The following GALNTL6 variants were observed in gnomAD, a reference collection of about 807,000 sequenced individuals.
GALNTL6 encodes polypeptide N-acetylgalactosaminyltransferase like 6.
Under a neutral mutation model 73.7 loss-of-function variants are expected in GALNTL6, and 46 were observed. The ratio of observed to expected loss-of-function variants is 0.62; its 90% confidence interval spans 0.49 to 0.80. The LOEUF is 0.80. GALNTL6 is among the 30% of genes least tolerant of loss of function. GALNTL6 has a pLI of 0.00. For missense variants in GALNTL6, 604 were observed against 755.0 expected (o/e 0.80, Z 2.34); for synonymous variants, 259 against 263.7 (o/e 0.98, Z 0.17).
intron 2 of GALNTL6, among the ~76,000 whole-genome samples, chr4:171,878,689 A>T (rs1337281051): frequency 2.0e-5 from 3 of 152,134 alleles, no homozygotes; most frequent in Non-Finnish European, 4.4e-5. Flanking sequence ...TAAAGAAATG[A>T]TCGATGGTTC....
intron 2 of GALNTL6, among the ~76,000 whole-genome samples, chr4:171,977,052 A>G (rs1275339319): frequency 6.6e-6 from 1 of 152,202 alleles, no homozygotes; most frequent in Admixed American, 6.5e-5. Flanking sequence ...AGCCGGCTGC[A>G]TTTCCTTTTA....
intron 5 of GALNTL6, among the ~76,000 whole-genome samples, chr4:172,410,340 G>T (rs533631530): frequency 1.2e-4 from 18 of 151,878 alleles, no homozygotes; most frequent in Non-Finnish European, 2.1e-4. Context: ...CCAATCTCCA[G>T]AACTCTATTA....
At chr4:172,178,432 C>T (rs1199444158) in intron 2 of GALNTL6, among the ~76,000 whole-genome samples, 1 of 152,072 alleles carries the variant, frequency 6.6e-6, no homozygotes, top group Non-Finnish European at 1.5e-5. Context: ...CCCTCAACCC[C>T]CAACAGGCTG....
At chr4:172,693,460 C>A (rs1259110346) in intron 5 of GALNTL6, among the ~76,000 whole-genome samples, 1 of 152,206 alleles carries the variant, frequency 6.6e-6, no homozygotes. Context: ...TCTTAACTGG[C>A]TCTCTGACTC....
At chr4:172,213,326 A>G (rs1227149287) in intron 2 of GALNTL6, among the ~76,000 whole-genome samples, 1 of 152,194 alleles carries the variant, frequency 6.6e-6, no homozygotes, top group Non-Finnish European at 1.5e-5. Context: ...ACTGAATTGT[A>G]TGAAACTGCC....
intron 5 of GALNTL6, among the ~76,000 whole-genome samples, chr4:172,566,908 A>G (rs558096378): frequency 1.4e-4 from 21 of 152,274 alleles, no homozygotes; most frequent in South Asian, 4.1e-4. Context: ...TTCTTATTAA[A>G]TATCTACTTT....
intron 5 of GALNTL6, among the ~76,000 whole-genome samples, chr4:172,436,438 GAC>G (rs1247715500): frequency 2.6e-5 from 4 of 152,076 alleles, no homozygotes; most frequent in Admixed American, 2.0e-4. Context: ...CTCCCCAGGA[GAC>G]ACCTGGGGGA....
chr4:171,947,622 C>T (rs1245623695), intron 2 of GALNTL6, among the ~76,000 whole-genome samples: 18 of 152,164 alleles, frequency 1.2e-4, no homozygotes, highest in Non-Finnish European at 1.5e-5. Context: ...CCTAGTCCCT[C>T]AGTCCTGTCT....
chr4:172,698,818 C>A (rs945944847), intron 5 of GALNTL6, among the ~76,000 whole-genome samples: 19 of 152,124 alleles, frequency 1.2e-4, no homozygotes, highest in South Asian at 6.2e-4. Context: ...CTTCAAAATT[C>A]TTTTTCTAAT....
chr4:172,029,896 C>T (rs1414006078), intron 2 of GALNTL6, among the ~76,000 whole-genome samples: 1 of 151,946 alleles, frequency 6.6e-6, no homozygotes, highest in African/African-American at 2.4e-5. Context: ...GGTAACAGTG[C>T]AATAATGGTT....
intron 5 of GALNTL6, among the ~76,000 whole-genome samples, chr4:172,731,898 G>T (rs560311235): frequency 3.0e-4 from 46 of 152,116 alleles, no homozygotes; most frequent in African/African-American, 1.1e-3. Context: ...ATTTTTCAGA[G>T]AAAATACTTG....
intron 3 of GALNTL6, among the ~76,000 whole-genome samples, chr4:172,288,761 TG>T (rs1228562169): frequency 3.9e-5 from 6 of 152,222 alleles, no homozygotes; most frequent in Non-Finnish European, 7.3e-5. Flanking sequence ...TCTGAGATGA[TG>T]TTTTTTTAAC....
intron 5 of GALNTL6, among the ~76,000 whole-genome samples, chr4:172,421,876 T>C (rs962463207): frequency 6.6e-6 from 1 of 152,140 alleles, no homozygotes; most frequent in Non-Finnish European, 1.5e-5. Flanking sequence ...AATTCATTCT[T>C]TGTTGTTATT....
At chr4:172,753,588 G>A (rs1403470534) in intron 5 of GALNTL6, among the ~76,000 whole-genome samples, 2 of 151,594 alleles carry the variant, frequency 1.3e-5, no homozygotes, top group East Asian at 1.9e-4. Context: ...AAAACCATTC[G>A]TTTCTAAAGT....
rs1425931175 is a variant in GALNTL6, at chr4:172,503,981, G to A, written c.553+155292G>A. Among the ~76,000 whole-genome samples the A allele has an allele frequency of 4.7e-4, 7 of 14,966 alleles. 3 individuals are homozygous for A. The highest frequency in any genetic ancestry group is 8.5e-4 in the Non-Finnish European group (5 of 5,848). 9.8% of individuals were successfully genotyped at this position (14,966 alleles called of 152,430 possible). A position where few individuals can be genotyped will look rare whatever the true frequency, so the allele number is the denominator to read the frequency against. On this transcript the variant is annotated intron_variant, in intron 5 of 12. Coordinates refer to ENST00000506823, the MANE Select transcript of GALNTL6 (RefSeq NM_001034845.3). ...AGCCTGCCCAACATGGTGAAATCCCGTCTGTACTAAAAATACAAAAATTAG... is the reference window on the plus strand; with the variant it reads ...AGCCTGCCCAACATGGTGAAATCCCATCTGTACTAAAAATACAAAAATTAG...
At chr4:172,418,208 T>G (rs1024812285) in intron 5 of GALNTL6, among the ~76,000 whole-genome samples, 1 of 151,952 alleles carries the variant, frequency 6.6e-6, no homozygotes, top group Non-Finnish European at 1.5e-5. Context: ...AAAGTAAAAC[T>G]TTTTTTTAGG....
intron 2 of GALNTL6, among the ~76,000 whole-genome samples, chr4:172,002,964 CAATT>C (rs1400454487): frequency 6.6e-6 from 1 of 152,102 alleles, no homozygotes; most frequent in Non-Finnish European, 1.5e-5. Context: ...ACATGTAACA[CAATT>C]AATGGTGTCA....
intron 3 of GALNTL6, among the ~76,000 whole-genome samples, chr4:172,239,688 T>A (rs1304938166): frequency 6.6e-6 from 1 of 152,220 alleles, no homozygotes; most frequent in Non-Finnish European, 1.5e-5. Context: ...GATTGTTAAT[T>A]TGAGATCTTT....
intron 11 of GALNTL6, among the ~76,000 whole-genome samples, 171 bp downstream of exon 11, chr4:173,009,465 C>T (rs1342422396): frequency 1.3e-5 from 2 of 152,216 alleles, no homozygotes; most frequent in Non-Finnish European, 2.9e-5. Context: ...CACTTAATGT[C>T]TCTGTTTATG....
Sources: gnomAD v4.1 joint callset for allele counts (sites outside exome capture counted in the v4.1 genomes callset) on GRCh38, gnomAD v4.1.1 for gene constraint, MANE v1.5 for transcripts, NCBI Gene and HGNC (gene_info 2026-07-23, HGNC 2026-07-21) for gene names.